SIPA1L3: variants seen among roughly 807,000 people sequenced by gnomAD.
SIPA1L3 encodes signal induced proliferation associated 1 like 3.
In SIPA1L3, 59 loss-of-function variants were observed where a neutral mutation model predicts 150.1. The observed-to-expected ratio is 0.39, with a 90% CI of 0.32 to 0.49. SIPA1L3 has a LOEUF of 0.49. Among genes scored for constraint, SIPA1L3 ranks in the 20% least tolerant of loss-of-function variants. The pLI is 0.86. For synonymous variants in SIPA1L3, 1,070 were observed against 1,077.6 expected (o/e 0.99, Z 0.14); for missense variants, 2,211 against 2,489.5 (o/e 0.89, Z 2.38).
intron 15 of SIPA1L3, among the ~76,000 whole-genome samples, chr19:38,176,647 C>A (rs1972441041): frequency 6.6e-6 from 1 of 152,180 alleles, no homozygotes; most frequent in South Asian, 2.1e-4. Flanking sequence ...AGAGATTTTT[C>A]TCTAAACCTT....
chr19:37,982,689 A>C (rs78800780), intron 1 of SIPA1L3, among the ~76,000 whole-genome samples: 1 of 152,280 alleles, frequency 6.6e-6, no homozygotes, highest in East Asian at 1.9e-4. Flanking sequence ...AGCTTTCTCC[A>C]TAATGGACTC....
chr19:38,107,593 G>C (rs187433420), intron 7 of SIPA1L3, among the ~76,000 whole-genome samples: 1 of 152,338 alleles, frequency 6.6e-6, no homozygotes, highest in Admixed American at 6.5e-5. Flanking sequence ...GTAAGTGTAC[G>C]TATTTTCCCA....
chr19:38,029,851 G>A (rs1348046596), intron 2 of SIPA1L3, among the ~76,000 whole-genome samples: 6 of 143,728 alleles, frequency 4.2e-5, no homozygotes, highest in Non-Finnish European at 9.0e-5. Context: ...TGCCCACCTC[G>A]GCCTCTTTTT....
chr19:38,001,237 G>A (rs1480774741), intron 1 of SIPA1L3, among the ~76,000 whole-genome samples: 1 of 151,798 alleles, frequency 6.6e-6, no homozygotes, highest in African/African-American at 2.4e-5. Context: ...TCCTTAAGGT[G>A]TACTTGAGGC....
At chr19:38,092,730 G>T (rs536346054) in intron 4 of SIPA1L3, among the ~76,000 whole-genome samples, 1 of 152,330 alleles carries the variant, frequency 6.6e-6, no homozygotes, top group African/African-American at 2.4e-5. Flanking sequence ...TCGTGAGACT[G>T]GGTGTTTGAG....
At chr19:38,118,917 G>A (rs559546037) in intron 8 of SIPA1L3, among the ~76,000 whole-genome samples, 15 of 152,278 alleles carry the variant, frequency 9.9e-5, no homozygotes, top group South Asian at 2.1e-4. Flanking sequence ...GAAACTGGCC[G>A]CGTGTGGTGG....
chr19:38,039,266 T>C (rs1968856963), intron 2 of SIPA1L3, among the ~76,000 whole-genome samples: 2 of 152,070 alleles, frequency 1.3e-5, no homozygotes, highest in Admixed American at 1.3e-4. Context: ...GATAATCACT[T>C]TTATGAGCTG....
intron 15 of SIPA1L3, among the ~76,000 whole-genome samples, chr19:38,176,757 A>G (rs1972443050): frequency 6.6e-6 from 1 of 152,098 alleles, no homozygotes; most frequent in African/African-American, 2.4e-5. Flanking sequence ...GGATCACCTG[A>G]GGTCAGCAGT....
At chr19:38,078,652 C>T (rs1295932599) in intron 2 of SIPA1L3, among the ~76,000 whole-genome samples, 1 of 152,064 alleles carries the variant, frequency 6.6e-6, no homozygotes, top group South Asian at 2.1e-4. Context: ...ACACAGGAAG[C>T]TCCAATAGCC....
chr19:37,955,129 C>T (rs564481904), intron 1 of SIPA1L3, among the ~76,000 whole-genome samples: 142 of 147,406 alleles, frequency 9.6e-4, no homozygotes, highest in Non-Finnish European at 1.9e-3. Context: ...TGGTGGCTCA[C>T]ACCTGTAATC....
At position 38,119,655 on chromosome 19, in the gene SIPA1L3, G is replaced by T; in HGVS notation, c.2641G>T (p.Ala881Ser). 9 of 1,614,190 alleles carry T rather than the reference G, an allele frequency of 5.6e-6. No homozygotes were observed. Among genetic ancestry groups the T allele is most frequent in the Non-Finnish European group, 7.6e-6 (9 of 1,180,024 alleles). The change falls in exon 9 of 22, where the codon GCC becomes TCC. Residue 881 changes from alanine (A) to serine (S), a missense_variant. Physicochemically the swap from Ala to Ser is moderately conservative, Grantham distance 99 (BLOSUM62 1). Coordinates refer to ENST00000222345, the MANE Select transcript of SIPA1L3 (RefSeq NM_015073.3). ...IAWRVVAQDY[A>S]QGVEIDCILG... ...CTGGAGGGTGGTGGCCCAGGACTAC[G>T]CCCAGGGGGTGGAAATCGACTGCAT...
chr19:38,086,382 C>G (rs549675369), intron 3 of SIPA1L3, among the ~76,000 whole-genome samples: 6 of 152,120 alleles, frequency 3.9e-5, no homozygotes, highest in African/African-American at 1.4e-4. Flanking sequence ...GCCCTGAAAG[C>G]TGTTAAAGAA....
In SIPA1L3 at chr19:38,193,632, G is replaced by T; in HGVS notation, c.4692G>T (p.Glu1564Asp). 6.3e-7 allele frequency: 1 copy of T among 1,579,156 alleles called. No individual in the cohort carries two copies. The highest frequency in any genetic ancestry group is 8.5e-7 in the Non-Finnish European group (1 of 1,170,666). Residue 1564 changes from glutamate (E) to aspartate (D), a missense_variant, in exon 18 of 22, where the codon GAG becomes GAT. This residue lies in a region of SIPA1L3 where 806 missense variants were observed against 870.1 expected (regional missense o/e 0.93). Transcript: ENST00000222345. ...EPSFASPAGL[E>D]PGLPSDVLFT... ...GCTTCGCCAGCCCCGCTGGCCTAGA[G>T]CCAGGGCTGCCCAGCGACGTGCTCT... is the stretch of plus-strand genomic sequence containing the variant.
intron 21 of SIPA1L3, among the ~76,000 whole-genome samples, chr19:38,205,301 A>AT (rs397750510): frequency 6.6e-6 from 1 of 150,738 alleles, no homozygotes; most frequent in East Asian, 2.0e-4. Flanking sequence ...CTCTACTAAA[A>AT]TACAAAATTA....
intron 3 of SIPA1L3, among the ~76,000 whole-genome samples, 173 bp downstream of exon 3, chr19:38,083,272 G>C (rs1970049819): frequency 6.6e-6 from 1 of 152,118 alleles, no homozygotes; most frequent in African/African-American, 2.4e-5. Flanking sequence ...AGCCACCCGG[G>C]CCTCAGCCCT....
At chr19:38,058,635 GAGAA>G (rs1969380768) in intron 2 of SIPA1L3, among the ~76,000 whole-genome samples, 1 of 151,728 alleles carries the variant, frequency 6.6e-6, no homozygotes, top group Admixed American at 6.6e-5. Context: ...TTATAGGAGA[GAGAA>G]AGTGAATCTC....
At chr19:38,123,917 G>A (rs1416435987) in intron 9 of SIPA1L3, among the ~76,000 whole-genome samples, 6 of 143,252 alleles carry the variant, frequency 4.2e-5, no homozygotes, top group South Asian at 2.3e-4. Flanking sequence ...CAGTAGGGGC[G>A]GCCGGGCAGA....
rs1157512583 is a variant in SIPA1L3, at chr19:38,044,410, A to G, written c.-311+15254A>G. ...TGGGGAAGAGCGAAGCTGTGCGGAG[A>G]GACGGCGAGGAATCAGCGAAGGAGG... On this transcript the variant is annotated intron_variant, in intron 2 of 21. Coordinates refer to ENST00000222345, the MANE Select transcript of SIPA1L3 (RefSeq NM_015073.3). Among the ~76,000 whole-genome samples the G allele has an allele frequency of 3.9e-5, 6 of 152,064 alleles. No homozygotes were observed. The East Asian group carries it at 1.2e-3, about 29-fold the overall frequency.
At chr19:38,142,737 T>A in intron 12 of SIPA1L3, 27 bp downstream of exon 12, 3 of 1,601,982 alleles carry the variant, frequency 1.9e-6, no homozygotes, top group Non-Finnish European at 2.6e-6. Flanking sequence ...TCTTTTCATG[T>A]TAAGGGATCT....
Sources: gnomAD v4.1 joint callset for allele counts (sites outside exome capture counted in the v4.1 genomes callset) on GRCh38, gnomAD v4.1.1 for gene constraint, gnomAD v4.1.1 regional missense constraint, MANE v1.5 for transcripts, NCBI Gene and HGNC (gene_info 2026-07-23, HGNC 2026-07-21) for gene names.